The following CAPN2 variants were observed in gnomAD, a reference collection of about 807,000 sequenced individuals.
The protein encoded by CAPN2 is calpain-2 catalytic subunit.
Under a neutral mutation model 102.3 loss-of-function variants are expected in CAPN2, and 92 were observed. The ratio of observed to expected loss-of-function variants is 0.90; its 90% confidence interval spans 0.76 to 1.07. CAPN2 has a LOEUF of 1.07. CAPN2 is among the 50% of genes least tolerant of loss of function. CAPN2 has a pLI of 0.00. For missense variants in CAPN2, 800 were observed against 909.4 expected (o/e 0.88, Z 1.55); for synonymous variants, 340 against 355.4 (o/e 0.96, Z 0.49).
At chr1:223,714,621 T>TG (rs1553252618) in intron 1 of CAPN2, among the ~76,000 whole-genome samples, 1 of 130,970 alleles carries the variant, frequency 7.6e-6, no homozygotes, top group Non-Finnish European at 1.6e-5. Context: ...TATAAAAAAG[T>TG]AAAAAAAAAA....
intron 1 of CAPN2, among the ~76,000 whole-genome samples, chr1:223,716,287 C>T (rs559036640): frequency 6.6e-6 from 1 of 152,146 alleles, no homozygotes; most frequent in Non-Finnish European, 1.5e-5. Flanking sequence ...ATGGAAAAAC[C>T]CTGCTGGAGT....
chr1:223,728,526 G>C (rs1660253760), intron 2 of CAPN2, among the ~76,000 whole-genome samples: 1 of 152,190 alleles, frequency 6.6e-6, no homozygotes, highest in African/African-American at 2.4e-5. Context: ...GGCTCACCCA[G>C]GATCAAAGAG....
chr1:223,741,679 T>G (rs1571799448), intron 2 of CAPN2, among the ~76,000 whole-genome samples: 1 of 152,208 alleles, frequency 6.6e-6, no homozygotes, highest in East Asian at 1.9e-4. Flanking sequence ...GGTCTCAAAC[T>G]CCTGACCTCA....
chr1:223,718,547 C>T (rs571298649), intron 2 of CAPN2, among the ~76,000 whole-genome samples: 40 of 152,334 alleles, frequency 2.6e-4, no homozygotes, highest in Non-Finnish European at 4.3e-4. Flanking sequence ...TGGGGCCTGG[C>T]GCTGTTATCT....
At chr1:223,774,803 T>G in intron 20 of CAPN2, 31 bp from the exon 21 acceptor site, 1 of 1,609,054 alleles carries the variant, frequency 6.2e-7, no homozygotes, top group Non-Finnish European at 8.5e-7. Context: ...AAGTGGTCAC[T>G]GAGCTGACTT....
At position 223,774,977 on chromosome 1, in the gene CAPN2, TGA is replaced by T; in HGVS notation, c.*121_*122del. 1 of 807,146 alleles carries T rather than the reference TGA, an allele frequency of 1.2e-6. No individual in the cohort carries two copies. 50.0% of individuals were successfully genotyped at this position (807,146 alleles called of 1,614,324 possible). On this transcript the variant is annotated 3_prime_UTR_variant, in exon 21 of 21. Transcript: ENST00000295006. The stretch of plus-strand genomic sequence containing the variant: ...TTATGGGAACATTTACTTAAACGGA[TGA>T]TCATAGCTGAAAATAATGATACTGT...
rs1660228521 is a variant in CAPN2, at chr1:223,727,472, C to T, written c.307+9641C>T. 6.6e-6 allele frequency among the ~76,000 whole-genome samples: 1 copy of T among 152,090 alleles called. No individual in the cohort carries two copies. Among genetic ancestry groups the T allele is most frequent in the South Asian group, 2.1e-4 (1 of 4,816 alleles). On this transcript the variant is annotated intron_variant, in intron 2 of 20. Transcript: ENST00000295006. The surrounding 1 kb of genome is among the most constrained non-coding windows in gnomAD (Gnocchi z 4.1). ...CGGAGTTGGGGGGTGCATGGAATGC[C>T]CCCAGTTGAGAACCACTGGCAGAGC...
chr1:223,747,439 G>A (rs560259466), intron 5 of CAPN2, among the ~76,000 whole-genome samples: 1 of 152,336 alleles, frequency 6.6e-6, no homozygotes, highest in African/African-American at 2.4e-5. Flanking sequence ...GATACAGAGG[G>A]TTATATTCCC....
At position 223,755,397 on chromosome 1, in the gene CAPN2, C is replaced by T. The variant is rs1661007199; in HGVS notation, c.1136-83C>T. 2 of 1,420,548 alleles carry T rather than the reference C, an allele frequency of 1.4e-6. No homozygotes were observed. Among genetic ancestry groups the T allele is most frequent in the South Asian group, 1.2e-5 (1 of 81,194 alleles). The allele number at this position is 1,420,548 out of a possible 1,614,324, so 88.0% of individuals were successfully genotyped here. A position where few individuals can be genotyped will look rare whatever the true frequency, so the allele number is the denominator to read the frequency against. On this transcript the variant is annotated intron_variant, in intron 9 of 20. Transcript: ENST00000295006. The surrounding 1 kb of genome is among the most constrained non-coding windows in gnomAD (Gnocchi z 4.1). ...CTTTATCTCCATCCCTCTCAGAAGC[C>T]TCCAAGCCTGAGACCAGGGCCACCC...
intron 11 of CAPN2, 181 bp downstream of exon 11, chr1:223,757,561 C>T (rs1409234118): frequency 3.1e-6 from 2 of 639,224 alleles, no homozygotes; most frequent in Non-Finnish European, 5.5e-6. Context: ...GGTCTAAGCT[C>T]TGGGCAAGGT....
chr1:223,762,161 C>T (rs1485424776), intron 13 of CAPN2, 25 bp from the exon 14 acceptor site: 2 of 1,607,612 alleles, frequency 1.2e-6, no homozygotes, highest in African/African-American at 1.3e-5. Flanking sequence ...CTGATGCATT[C>T]TCATGTCTCT....
In CAPN2 at chr1:223,755,699, GC is replaced by G; in HGVS notation, c.1305+54del. The G allele has an allele frequency of 1.4e-6, 2 of 1,479,438 alleles. No homozygotes were observed. Among genetic ancestry groups the G allele is most frequent in the Non-Finnish European group, 1.8e-6 (2 of 1,107,946 alleles). 91.6% of individuals were successfully genotyped at this position (1,479,438 alleles called of 1,614,324 possible). ...CTCCCTTCCCCATGTGTTCATCTCA[GC>G]CCCTGCATGGAAAGCTGACCCCAGA... On this transcript the variant is annotated intron_variant, in intron 10 of 20. Coordinates refer to ENST00000295006, the MANE Select transcript of CAPN2 (RefSeq NM_001748.5). The surrounding 1 kb of genome is among the most constrained non-coding windows in gnomAD (Gnocchi z 4.1).
intron 13 of CAPN2, 45 bp from the exon 14 acceptor site, chr1:223,762,141 A>C: frequency 6.5e-7 from 1 of 1,546,456 alleles, no homozygotes; most frequent in Non-Finnish European, 8.9e-7. Context: ...ACTTGGTGTC[A>C]TGCCTCGCTC....
At chr1:223,743,961 A>G (rs1660686410) in intron 2 of CAPN2, 139 bp from the exon 3 acceptor site, 1 of 681,858 alleles carries the variant, frequency 1.5e-6, no homozygotes, top group Non-Finnish European at 2.7e-6. Flanking sequence ...CAACCCTCAT[A>G]TGGGGGACTG....
chr1:223,716,893 A>G (rs10495216), intron 1 of CAPN2, among the ~76,000 whole-genome samples: 13,769 of 152,116 alleles, frequency 0.091, 686 homozygotes, highest in African/African-American at 0.12. Flanking sequence ...TACTAAATCA[A>G]TTAGAGGCAG....
At chr1:223,702,242 A>G (rs966075310) in intron 1 of CAPN2, among the ~76,000 whole-genome samples, 5 of 152,038 alleles carry the variant, frequency 3.3e-5, no homozygotes, top group African/African-American at 1.2e-4. Flanking sequence ...CCTGGCTAAC[A>G]TGGTAAAACC....
At chr1:223,749,181 C>T (rs1660825838) in intron 6 of CAPN2, 59 bp downstream of exon 6, 1 of 1,468,072 alleles carries the variant, frequency 6.8e-7, no homozygotes, top group Non-Finnish European at 9.5e-7. Context: ...GCCACAGGCA[C>T]AGTTTGTGGT....
intron 2 of CAPN2, among the ~76,000 whole-genome samples, chr1:223,737,928 G>T (rs1660509441): frequency 6.6e-6 from 1 of 151,952 alleles, no homozygotes; most frequent in Admixed American, 6.6e-5. Context: ...TGCCCCCAGG[G>T]GAGCACAGGG....
At chr1:223,774,707 G>A (rs1263616310) in intron 20 of CAPN2, 127 bp from the exon 21 acceptor site, 1 of 768,632 alleles carries the variant, frequency 1.3e-6, no homozygotes, top group Admixed American at 2.1e-5. Flanking sequence ...ATGAGTTAGT[G>A]CACTGATATT....
Sources: allele counts gnomAD v4.1 joint callset (sites outside exome capture counted in the v4.1 genomes callset), GRCh38; gene constraint gnomAD v4.1.1; non-coding constraint Gnocchi (gnomAD v3.1); transcripts MANE v1.5; gene names NCBI Gene and HGNC (gene_info 2026-07-23, HGNC 2026-07-21).